MYO5B: variants seen among roughly 807,000 people sequenced by gnomAD.
MYO5B encodes the protein myosin VB.
Under a neutral mutation model 229.3 loss-of-function variants are expected in MYO5B, and 143 were observed. The observed-to-expected ratio is 0.62, with a 90% confidence interval of 0.54 to 0.72. MYO5B has a LOEUF of 0.72. Among genes scored for constraint, MYO5B ranks in the 30% least tolerant of loss-of-function variants. MYO5B has a pLI of 0.00. For synonymous variants in MYO5B, 918 were observed against 885.2 expected (o/e 1.04, Z -0.66); for missense variants, 2,321 against 2,331.0 (o/e 1.00, Z 0.09).
At chr18:50,154,577 T>C (rs2032651435) in intron 1 of MYO5B, among the ~76,000 whole-genome samples, 1 of 152,212 alleles carries the variant, frequency 6.6e-6, no homozygotes, top group Admixed American at 6.5e-5. Context: ...CAGAAGCACA[T>C]TCGAGTTCAC....
chr18:50,072,547 T>C (rs1284435725), intron 1 of MYO5B, among the ~76,000 whole-genome samples: 1 of 152,188 alleles, frequency 6.6e-6, no homozygotes, highest in Non-Finnish European at 1.5e-5. Flanking sequence ...TCCTCATTTG[T>C]AGGAGCTATC....
chr18:50,077,047 A>T (rs1462312380), intron 1 of MYO5B, among the ~76,000 whole-genome samples: 1 of 151,946 alleles, frequency 6.6e-6, no homozygotes, highest in African/African-American at 2.4e-5. Context: ...TTTACATGTA[A>T]CAGACTACTC....
intron 26 of MYO5B, among the ~76,000 whole-genome samples, chr18:49,872,498 T>C (rs943127983): frequency 6.6e-6 from 1 of 150,780 alleles, no homozygotes; most frequent in Non-Finnish European, 1.5e-5. Flanking sequence ...TGAATATGTA[T>C]AGCACTGTGT....
intron 1 of MYO5B, among the ~76,000 whole-genome samples, chr18:50,099,528 G>T (rs60697102): frequency 0.043 from 6,476 of 152,272 alleles, 147 homozygotes; most frequent in African/African-American, 0.053. Flanking sequence ...CAGCCAGTCA[G>T]CCAGCCTTGT....
chr18:49,832,544 T>C (rs988558996), intron 39 of MYO5B, among the ~76,000 whole-genome samples: 21 of 152,176 alleles, frequency 1.4e-4, no homozygotes, highest in African/African-American at 5.1e-4. Flanking sequence ...AGTAAATACA[T>C]AGCAGCATTT....
rs3075643 is a variant in MYO5B at position 50,087,572 on chromosome 18, CAAA to C, written c.28-32197_28-32195del. Among the ~76,000 whole-genome samples the C allele has an allele frequency of 5.2e-3, 448 of 85,588 alleles. 2 individuals are homozygous for C. The highest frequency in any genetic ancestry group is 0.025 in the Middle Eastern group (3 of 118). 56.1% of individuals were successfully genotyped at this position (85,588 alleles called of 152,430 possible). A position where few individuals can be genotyped will look rare whatever the true frequency, so the allele number is the denominator to read the frequency against. ...TGGGTGACAGAGGAAGACTCCATCT[CAAA>C]AAAAAAAAAAAAAAGAATAAAAATA... On this transcript the variant is annotated intron_variant, in intron 1 of 39. Coordinates refer to ENST00000285039, the MANE Select transcript of MYO5B (RefSeq NM_001080467.3).
At chr18:49,941,847 C>T (rs2025317252) in intron 14 of MYO5B, among the ~76,000 whole-genome samples, 1 of 145,024 alleles carries the variant, frequency 6.9e-6, no homozygotes, top group African/African-American at 2.6e-5. Context: ...CATATGGAAC[C>T]AAAAAAGAGC....
chr18:49,839,219 C>T lies in MYO5B; in HGVS notation c.4777G>A (p.Val1593Met). The T allele has an allele frequency of 6.2e-7, 1 of 1,614,192 alleles. No individual in the cohort carries two copies. Among genetic ancestry groups the T allele is most frequent in the Non-Finnish European group, 8.5e-7 (1 of 1,180,032 alleles). Residue 1593 changes from valine to methionine, a missense_variant, in exon 36 of 40, where the codon GTG becomes ATG. Val to Met is a conservative substitution (Grantham distance 21, BLOSUM62 1). Around this residue, in one of 2 missense-constraint regions of MYO5B, gnomAD observed 2,113 missense variants for 2,044.7 expected, o/e 1.03. Coordinates refer to ENST00000285039, the MANE Select transcript of MYO5B (RefSeq NM_001080467.3). The stretch of plus-strand genomic sequence containing the variant: ...ATCTGAATGGAAAGGTCACTCAGCA[C>T]CTGACGGTATTCGGTGAGGTCAAAA... ...KNFDLTEYRQ[V>M]LSDLSIQIYQ... is the part of the protein sequence containing the mutation.
chr18:49,962,194 T>G, intron 12 of MYO5B, 72 bp downstream of exon 12: 1,351 of 1,564,778 alleles, frequency 8.6e-4, no homozygotes, highest in Non-Finnish European at 1.1e-3. Flanking sequence ...ATTCCACCTT[T>G]GAGATCTTAT....
At chr18:50,021,730 A>AAAAG in intron 4 of MYO5B, among the ~76,000 whole-genome samples, 1 of 151,510 alleles carries the variant, frequency 6.6e-6, no homozygotes, top group East Asian at 1.9e-4. Context: ...AAAAAAAAAA[A>AAAAG]AAAAAAAATC....
At chr18:50,142,809 T>C (rs2144289106) in intron 1 of MYO5B, among the ~76,000 whole-genome samples, 1 of 152,358 alleles carries the variant, frequency 6.6e-6, no homozygotes, top group African/African-American at 2.4e-5. Flanking sequence ...CATTCAGGTT[T>C]GCCTCGATTT....
intron 1 of MYO5B, among the ~76,000 whole-genome samples, chr18:50,132,525 G>C (rs2144548551): frequency 6.6e-6 from 1 of 152,304 alleles, no homozygotes; most frequent in South Asian, 2.1e-4. Context: ...AGGCCGACAA[G>C]TCCAGTCAAC....
intron 2 of MYO5B, among the ~76,000 whole-genome samples, chr18:50,043,093 G>C (rs1024027014): frequency 3.3e-5 from 5 of 151,150 alleles, no homozygotes; most frequent in African/African-American, 1.2e-4. Context: ...TATCTACCCA[G>C]AGGAAAAGAA....
chr18:49,991,530 G>A (rs1192164378), intron 6 of MYO5B, among the ~76,000 whole-genome samples: 2 of 152,116 alleles, frequency 1.3e-5, no homozygotes, highest in African/African-American at 4.8e-5. Flanking sequence ...ATTACAAAGA[G>A]GCAAAGAGTA....
At chr18:49,940,315 C>T (rs2025300250) in intron 14 of MYO5B, among the ~76,000 whole-genome samples, 1 of 152,184 alleles carries the variant, frequency 6.6e-6, no homozygotes, top group African/African-American at 2.4e-5. Context: ...CATGGTATCA[C>T]ATCAGCACAT....
chr18:49,960,721 G>A (rs1195130349), intron 12 of MYO5B, among the ~76,000 whole-genome samples: 5 of 152,178 alleles, frequency 3.3e-5, no homozygotes, highest in South Asian at 2.1e-4. Context: ...GGCCACCAGT[G>A]TGAGTTTACA....
At chr18:50,125,469 A>G (rs2032146108) in intron 1 of MYO5B, among the ~76,000 whole-genome samples, 1 of 152,098 alleles carries the variant, frequency 6.6e-6, no homozygotes, top group Non-Finnish European at 1.5e-5. Context: ...ATTTATACAT[A>G]TGTAACAAAC....
rs774148153 is a variant in MYO5B, at chr18:49,843,270, T to C, written c.4582A>G (p.Thr1528Ala). The C allele has an allele frequency of 3.8e-5, 62 of 1,613,926 alleles. No individual in the cohort carries two copies. The highest frequency in any genetic ancestry group is 5.1e-5 in the Non-Finnish European group (60 of 1,180,004). ...AGGACTTTCTTAATGCCGTTGATGG[T>C]GGAGGTCAGCAGGGAGTGCACCTTG... is the stretch of plus-strand genomic sequence containing the variant. ...DLKVHSLLTS[T>A]INGIKKVLKK... The change falls in exon 34 of 40, where the codon ACC (threonine) becomes GCC (alanine). Residue 1528 changes from threonine (T) to alanine (A), a missense_variant. Physicochemically the swap from Thr to Ala is moderately conservative, Grantham distance 58. This residue lies in a region of MYO5B where 2,113 missense variants were observed against 2,044.7 expected (regional missense o/e 1.03). Transcript: ENST00000285039.
intron 16 of MYO5B, among the ~76,000 whole-genome samples, chr18:49,931,661 C>T (rs1474243409): frequency 6.6e-6 from 1 of 152,118 alleles, no homozygotes; most frequent in Non-Finnish European, 1.5e-5. Context: ...TTCCAGGATC[C>T]AAGGGGGTCT....
Sources: allele counts gnomAD v4.1 joint callset (sites outside exome capture counted in the v4.1 genomes callset), GRCh38; gene constraint gnomAD v4.1.1; regional missense constraint gnomAD v4.1.1; transcripts MANE v1.5; gene names NCBI Gene and HGNC (gene_info 2026-07-23, HGNC 2026-07-21).